The following CNBD1 variants were observed in gnomAD, a reference collection of about 807,000 sequenced individuals.
CNBD1 encodes the protein cyclic nucleotide binding domain containing 1.
Under a neutral mutation model 54.4 loss-of-function variants are expected in CNBD1, and 71 were observed. The ratio of observed to expected loss-of-function variants is 1.30; its 90% CI spans 1.08 to 1.59. CNBD1 has a LOEUF of 1.59. Ranked by LOEUF, CNBD1 falls within the 40% of genes most tolerant of loss-of-function variation. CNBD1 has a pLI of 0.00. For synonymous variants in CNBD1, 182 were observed against 170.7 expected, an observed-to-expected ratio of 1.07 and a Z score of -0.51; for missense variants, 659 against 518.0, an observed-to-expected ratio of 1.27 and a Z score of -2.64.
intron 1 of CNBD1, among the ~76,000 whole-genome samples, chr8:86,875,096 C>G (rs1808497539): frequency 6.6e-6 from 1 of 150,576 alleles, no homozygotes; most frequent in Non-Finnish European, 1.5e-5. Flanking sequence ...TATCTTCTCC[C>G]TTTCTGTATT....
intron 3 of CNBD1, among the ~76,000 whole-genome samples, chr8:86,938,072 G>T (rs902376041): frequency 6.6e-6 from 1 of 152,132 alleles, no homozygotes; most frequent in Admixed American, 6.5e-5. Flanking sequence ...AATTTCTTCT[G>T]CTAGATACTC....
chr8:86,980,163 A>G (rs1165557852), intron 4 of CNBD1, among the ~76,000 whole-genome samples: 1 of 152,216 alleles, frequency 6.6e-6, no homozygotes, highest in Non-Finnish European at 1.5e-5. Flanking sequence ...GAATGAGGGA[A>G]GTCACACAGT....
chr8:87,374,799 A>G (rs951991159), intron 10 of CNBD1, among the ~76,000 whole-genome samples: 4 of 150,440 alleles, frequency 2.7e-5, no homozygotes, highest in Non-Finnish European at 5.9e-5. Context: ...CTTTTCTTGG[A>G]TGGAATTGCT....
intron 8 of CNBD1, among the ~76,000 whole-genome samples, chr8:87,320,864 C>A (rs1227659720): frequency 6.6e-6 from 1 of 152,078 alleles, no homozygotes; most frequent in Admixed American, 6.6e-5. Flanking sequence ...CAGCAATTTC[C>A]CATTTCACCT....
chr8:87,340,871 C>G (rs1810050404), intron 8 of CNBD1, among the ~76,000 whole-genome samples: 1 of 151,910 alleles, frequency 6.6e-6, no homozygotes, highest in Non-Finnish European at 1.5e-5. Context: ...AACTCCTATA[C>G]CGCCATTTCT....
chr8:87,095,615 A>G (rs760218611), intron 4 of CNBD1, among the ~76,000 whole-genome samples: 5 of 152,212 alleles, frequency 3.3e-5, no homozygotes, highest in Admixed American at 6.5e-5. Flanking sequence ...GCCTATGGCA[A>G]ACAATCAATT....
chr8:87,310,005 C>A (rs1228193856), intron 8 of CNBD1, among the ~76,000 whole-genome samples: 1 of 152,014 alleles, frequency 6.6e-6, no homozygotes, highest in Non-Finnish European at 1.5e-5. Flanking sequence ...AATCAATGTA[C>A]AAAAATCAGT....
intron 4 of CNBD1, among the ~76,000 whole-genome samples, chr8:87,062,677 G>A (rs1009555904): frequency 5.3e-5 from 8 of 151,916 alleles, no homozygotes; most frequent in African/African-American, 1.9e-4. Context: ...GGCAGCGATT[G>A]CGGTGAGCCA....
At chr8:87,356,554 G>A (rs759709925) in intron 10 of CNBD1, among the ~76,000 whole-genome samples, 1 of 152,120 alleles carries the variant, frequency 6.6e-6, no homozygotes, top group Non-Finnish European at 1.5e-5. Flanking sequence ...AAATTTCTAA[G>A]CAGCAAAACA....
At chr8:87,119,424 G>T (rs946775996) in intron 4 of CNBD1, among the ~76,000 whole-genome samples, 2 of 151,700 alleles carry the variant, frequency 1.3e-5, no homozygotes, top group Admixed American at 6.6e-5. Flanking sequence ...TTTGTACATT[G>T]ATTTTGTATA....
chr8:87,118,883 G>A (rs763936411), intron 4 of CNBD1, among the ~76,000 whole-genome samples: 3 of 152,076 alleles, frequency 2.0e-5, no homozygotes, highest in African/African-American at 2.4e-5. Flanking sequence ...TATTTTCATC[G>A]AAATTCTTTG....
intron 4 of CNBD1, among the ~76,000 whole-genome samples, chr8:87,162,179 A>G (rs1812870679): frequency 6.6e-6 from 1 of 152,118 alleles, no homozygotes; most frequent in Non-Finnish European, 1.5e-5. Context: ...AAATCAAGAA[A>G]AAACTAAATA....
chr8:87,385,564 TG>T (rs1349574029), downstream of CNBD1, among the ~76,000 whole-genome samples: 1 of 151,908 alleles, frequency 6.6e-6, no homozygotes, highest in African/African-American at 2.4e-5. Flanking sequence ...GCAGTGAGGC[TG>T]GGGGAGGGGC....
intron 8 of CNBD1, among the ~76,000 whole-genome samples, chr8:87,342,131 G>A (rs867254493): frequency 3.3e-5 from 5 of 152,194 alleles, no homozygotes; most frequent in Middle Eastern, 3.4e-3. Flanking sequence ...AAATTAGCCG[G>A]GCATGGTGGC....
At chr8:87,218,705 G>T (rs1458066274) in intron 5 of CNBD1, among the ~76,000 whole-genome samples, 1 of 151,872 alleles carries the variant, frequency 6.6e-6, no homozygotes, top group African/African-American at 2.4e-5. Flanking sequence ...ATTTTAAATA[G>T]ATATGATATT....
At chr8:86,973,567 A>G (rs1256533195) in intron 4 of CNBD1, among the ~76,000 whole-genome samples, 1 of 152,200 alleles carries the variant, frequency 6.6e-6, no homozygotes, top group Non-Finnish European at 1.5e-5. Flanking sequence ...GTTAGCTCAT[A>G]CAATTTATGT....
intron 4 of CNBD1, among the ~76,000 whole-genome samples, chr8:87,083,585 C>CTTTTTT (rs752855766): frequency 1.7e-5 from 2 of 117,162 alleles, no homozygotes; most frequent in Non-Finnish European, 1.8e-5. Flanking sequence ...CAATGTATTT[C>CTTTTTT]TTTTTTTTTT....
chr8:86,887,421 C>T (rs1309910486), intron 1 of CNBD1, 121 bp from the exon 2 acceptor site: 1 of 630,204 alleles, frequency 1.6e-6, no homozygotes, highest in Non-Finnish European at 2.8e-6. Context: ...CTGTTAATAC[C>T]TCACTTCCAT....
At chr8:87,418,948 T>C (rs1218998316) in intron 2 of CNBD1, among the ~76,000 whole-genome samples, 2 of 151,914 alleles carry the variant, frequency 1.3e-5, no homozygotes, top group African/African-American at 2.4e-5. Context: ...ATTCCACTTC[T>C]ATGTATACAC....
Sources: gnomAD v4.1 joint callset for allele counts (sites outside exome capture counted in the v4.1 genomes callset) on GRCh38, gnomAD v4.1.1 for gene constraint, MANE v1.5 for transcripts, NCBI Gene and HGNC (gene_info 2026-07-23, HGNC 2026-07-21) for gene names.